SUSD1: variants seen among roughly 807,000 people sequenced by gnomAD.
The protein encoded by SUSD1 is sushi domain containing 1.
In SUSD1, 65 loss-of-function variants were observed where a neutral mutation model predicts 86.9. The ratio of observed to expected loss-of-function variants is 0.75; its 90% CI spans 0.61 to 0.92. The LOEUF (loss-of-function observed/expected upper bound fraction) is 0.92. SUSD1 is among the 40% of genes least tolerant of loss of function. The pLI is 0.00. For synonymous variants in SUSD1, 346 were observed against 350.0 expected, an observed-to-expected ratio of 0.99 and a Z score of 0.13; for missense variants, 850 against 929.7, an observed-to-expected ratio of 0.91 and a Z score of 1.11.
Position 112,045,831 on chromosome 9 carries a change from C to T in SUSD1, c.2150-3871G>A, listed in dbSNP as rs1442114657. ...CATCTCATGTGAAAATTGTATGAAC[C>T]TGCCAGAATACGCTACATCCATGTT... is the stretch of plus-strand genomic sequence containing the variant. On this transcript the variant is annotated intron_variant, in intron 15 of 16. Coordinates refer to ENST00000374270, the MANE Select transcript of SUSD1 (RefSeq NM_022486.5). Among the ~76,000 whole-genome samples the T allele has an allele frequency of 6.6e-5, 10 of 152,188 alleles. No individual in the cohort carries two copies. In the South Asian group the frequency reaches 1.9e-3, roughly 28 times the overall value.
intron 5 of SUSD1, among the ~76,000 whole-genome samples, chr9:112,141,080 G>A (rs886799689): frequency 1.3e-5 from 2 of 152,240 alleles, no homozygotes; most frequent in African/African-American, 4.8e-5. Context: ...TGAGTGAATA[G>A]TGAGTGAATG....
At chr9:112,054,397 C>A (rs952057937) in intron 14 of SUSD1, among the ~76,000 whole-genome samples, 2 of 152,008 alleles carry the variant, frequency 1.3e-5, no homozygotes, top group Non-Finnish European at 2.9e-5. Context: ...CCAGCCTGGG[C>A]AACACAGGGA....
At chr9:112,143,344 G>C in intron 4 of SUSD1, 127 bp downstream of exon 4, 1 of 963,186 alleles carries the variant, frequency 1.0e-6, no homozygotes, top group Non-Finnish European at 1.5e-6. Context: ...TTATGTCATA[G>C]GTTGTACAAA....
chr9:112,148,841 G>A (rs1589727003), intron 3 of SUSD1, among the ~76,000 whole-genome samples: 1 of 151,848 alleles, frequency 6.6e-6, no homozygotes, highest in Non-Finnish European at 1.5e-5. Flanking sequence ...AGGAGGCGGA[G>A]GTTACAGAGA....
At chr9:112,081,219 A>G (rs761107461) in intron 10 of SUSD1, among the ~76,000 whole-genome samples, 1 of 152,248 alleles carries the variant, frequency 6.6e-6, no homozygotes, top group African/African-American at 2.4e-5. Context: ...CGAGTGATAA[A>G]GACAACTCCC....
rs1486403835 is a variant in SUSD1 at position 112,041,228 on chromosome 9, C to T, written c.*264G>A. The T allele has an allele frequency of 1.3e-5, 8 of 598,512 alleles. No individual in the cohort carries two copies. The highest frequency in any genetic ancestry group is 2.9e-5 in the Admixed American group (1 of 34,008). 37.1% of individuals were successfully genotyped at this position (598,512 alleles called of 1,614,324 possible). Reference sequence around the variant, plus strand: ...AGCCTTCGGTCAATATCACAGTGTACATCAGGAGTCTCAAGTTCATTGCAC... The same window carrying T: ...AGCCTTCGGTCAATATCACAGTGTATATCAGGAGTCTCAAGTTCATTGCAC... On this transcript the variant is annotated 3_prime_UTR_variant, in exon 17 of 17. Transcript: ENST00000374270.
intron 2 of SUSD1, among the ~76,000 whole-genome samples, chr9:112,151,509 A>T (rs370053783): frequency 5.3e-5 from 8 of 152,002 alleles, no homozygotes; most frequent in East Asian, 3.9e-4. Context: ...AGGCAGGAGA[A>T]TTGCTTGAAC....
At chr9:112,064,169 T>C (rs1828868560) in intron 12 of SUSD1, among the ~76,000 whole-genome samples, 1 of 151,984 alleles carries the variant, frequency 6.6e-6, no homozygotes, top group Non-Finnish European at 1.5e-5. Flanking sequence ...ATTTGCCCTA[T>C]AGCCGGGGTT....
At chr9:112,134,133 A>C (rs546670225) in intron 5 of SUSD1, among the ~76,000 whole-genome samples, 1 of 152,370 alleles carries the variant, frequency 6.6e-6, no homozygotes, top group South Asian at 2.1e-4. Flanking sequence ...AAATTAGTTC[A>C]GCCACTGTGG....
chr9:112,088,023 T>A (rs926920413), intron 10 of SUSD1, among the ~76,000 whole-genome samples: 1 of 152,298 alleles, frequency 6.6e-6, no homozygotes, highest in Middle Eastern at 3.4e-3. Context: ...TCAGGCTGCA[T>A]CAGACTTCTC....
At chr9:112,138,449 T>C (rs1564329292) in intron 5 of SUSD1, among the ~76,000 whole-genome samples, 2 of 149,814 alleles carry the variant, frequency 1.3e-5, no homozygotes, top group Admixed American at 1.3e-4. Flanking sequence ...TACTTATCTA[T>C]GTCAATAAAT....
intron 12 of SUSD1, among the ~76,000 whole-genome samples, chr9:112,064,046 T>TGGGGGG (rs58850509): frequency 1.4e-4 from 11 of 78,222 alleles, no homozygotes; most frequent in Admixed American, 2.7e-4. Flanking sequence ...TTTCTTTTTT[T>TGGGGGG]GGGGGGGGGG....
chr9:112,042,916 C>G (rs1827803187), intron 15 of SUSD1, among the ~76,000 whole-genome samples: 1 of 152,174 alleles, frequency 6.6e-6, no homozygotes, highest in Admixed American at 6.5e-5. Context: ...TTAAACAGCC[C>G]TGCAGAACTT....
chr9:112,080,943 A>T (rs1829741962), intron 10 of SUSD1, among the ~76,000 whole-genome samples: 1 of 152,182 alleles, frequency 6.6e-6, no homozygotes, highest in South Asian at 2.1e-4. Flanking sequence ...AGGTGGCGGG[A>T]TTCTCTTGGT....
At chr9:112,054,702 C>G (rs2564900) in intron 14 of SUSD1, among the ~76,000 whole-genome samples, 2,738 of 152,032 alleles carry the variant, frequency 0.018, 85 homozygotes, top group East Asian at 0.076. Flanking sequence ...CAAAATGGAT[C>G]AAAAACCTAA....
chr9:112,123,456 C>T (rs1325531872), intron 6 of SUSD1, among the ~76,000 whole-genome samples: 1 of 152,182 alleles, frequency 6.6e-6, no homozygotes, highest in Non-Finnish European at 1.5e-5. Context: ...ACCTCCAACA[C>T]TGGAGACCAC....
At chr9:112,070,699 G>A (rs917752873) in intron 12 of SUSD1, among the ~76,000 whole-genome samples, 1 of 151,830 alleles carries the variant, frequency 6.6e-6, no homozygotes, top group African/African-American at 2.4e-5. Flanking sequence ...GTGGGGAAAA[G>A]TAATGAAGGA....
At position 112,170,710 on chromosome 9, in the gene SUSD1, T is replaced by TATAGAGAGAGAGAG. The variant is rs758442726; in HGVS notation, c.103+4422_103+4423insCTCTCTCTCTCTAT. Reference sequence around the variant, plus strand: ...GCCAGATCATATATATATATATATATAGAGAGAGAGAGAGAGAGAGAGAGA... The same window carrying TATAGAGAGAGAGAG: ...GCCAGATCATATATATATATATATATATAGAGAGAGAGAGAGAGAGAGAGAGAGAGAGAGAGAGA... On this transcript the variant is annotated intron_variant, in intron 1 of 16. Transcript: ENST00000374270. Among the ~76,000 whole-genome samples, 563 of 113,808 alleles carry TATAGAGAGAGAGAG rather than the reference T, an allele frequency of 4.9e-3. 6 individuals are homozygous for TATAGAGAGAGAGAG. The highest frequency in any genetic ancestry group is 0.015 in the African/African-American group (383 of 26,308). 74.7% of individuals were successfully genotyped at this position (113,808 alleles called of 152,430 possible).
rs576927779 is a variant in SUSD1, at chr9:112,100,356, T to C, written c.1282-1694A>G. Among the ~76,000 whole-genome samples, 3 of 151,714 alleles carry C rather than the reference T, an allele frequency of 2.0e-5. No individual in the cohort carries two copies. The South Asian group carries it at 6.3e-4, about 32-fold the overall frequency. ...TGCCCGCCACCACGCCTGGCTAATT[T>C]TTTGTATTTTTAGTAGAGATGGGGT... is the stretch of plus-strand genomic sequence containing the variant. On this transcript the variant is annotated intron_variant, in intron 9 of 16. Coordinates refer to ENST00000374270, the MANE Select transcript of SUSD1 (RefSeq NM_022486.5).
Sources: allele counts gnomAD v4.1 joint callset (sites outside exome capture counted in the v4.1 genomes callset), GRCh38; gene constraint gnomAD v4.1.1; transcripts MANE v1.5; gene names NCBI Gene and HGNC (gene_info 2026-07-23, HGNC 2026-07-21).